The following DLC1 variants were observed in gnomAD, a reference collection of about 807,000 sequenced individuals.
DLC1 encodes DLC1 Rho GTPase activating protein.
Under a neutral mutation model 140.3 loss-of-function variants are expected in DLC1, and 54 were observed. That is an observed-to-expected ratio of 0.38 (90% CI 0.31 to 0.48). The LOEUF is 0.48. DLC1 is among the 20% of genes least tolerant of loss of function. The pLI is 0.96. For missense variants in DLC1, 2,536 were observed against 1,907.0 expected, an observed-to-expected ratio of 1.33 and a Z score of -6.14; for synonymous variants, 986 against 728.1, an observed-to-expected ratio of 1.35 and a Z score of -5.70.
chr8:13,378,448 G>C (rs1836097159), intron 4 of DLC1, among the ~76,000 whole-genome samples: 2 of 151,916 alleles, frequency 1.3e-5, no homozygotes, highest in East Asian at 3.9e-4. Context: ...AAGTATGTTA[G>C]AGTTTTCCCT....
intron 4 of DLC1, among the ~76,000 whole-genome samples, chr8:13,385,605 A>T (rs902327679): frequency 1.3e-5 from 2 of 152,162 alleles, no homozygotes; most frequent in Non-Finnish European, 2.9e-5. Flanking sequence ...TTACTTTCAG[A>T]TTTCTGTTAC....
At chr8:13,220,251 A>C (rs897528884) in intron 5 of DLC1, among the ~76,000 whole-genome samples, 2 of 152,194 alleles carry the variant, frequency 1.3e-5, no homozygotes, top group African/African-American at 4.8e-5. Flanking sequence ...GAAATTGTGA[A>C]GCCTTTTTTG....
At chr8:13,230,520 G>C (rs1391623814) in intron 5 of DLC1, among the ~76,000 whole-genome samples, 1 of 152,042 alleles carries the variant, frequency 6.6e-6, no homozygotes, top group African/African-American at 2.4e-5. Flanking sequence ...ATTTAGGGGA[G>C]AGAGGCTGCC....
intron 2 of DLC1, among the ~76,000 whole-genome samples, chr8:13,422,285 AGCCCATG>A (rs1425977217): frequency 2.0e-5 from 3 of 152,308 alleles, no homozygotes; most frequent in African/African-American, 4.8e-5. Flanking sequence ...TGTTCTCAGA[AGCCCATG>A]GTAGATGAAA....
chr8:13,342,864 G>A (rs972279992), intron 4 of DLC1: 4 of 99,554 alleles, frequency 4.0e-5, no homozygotes, highest in East Asian at 3.0e-4. Context: ...CTCTCTTTGC[G>A]TCCAACATAT....
At chr8:13,248,293 A>G (rs17127650) in intron 5 of DLC1, among the ~76,000 whole-genome samples, 29,080 of 152,122 alleles carry the variant, frequency 0.19, 3,138 homozygotes, top group African/African-American at 0.29. Context: ...TGTTGGTCCT[A>G]TTGGAGACTT....
intron 4 of DLC1, among the ~76,000 whole-genome samples, chr8:13,333,267 C>T (rs2116952089): frequency 6.6e-6 from 1 of 152,152 alleles, no homozygotes; most frequent in East Asian, 1.9e-4. Flanking sequence ...CCTTTATTGC[C>T]CAGGCTGGAG....
At chr8:13,226,634 A>G (rs12679773) in intron 5 of DLC1, among the ~76,000 whole-genome samples, 51,890 of 152,052 alleles carry the variant, frequency 0.34, 10,068 homozygotes, top group East Asian at 0.82. Context: ...CAATTGTAGG[A>G]CCTGGATTTT....
chr8:13,407,661 C>G (rs966671661), intron 2 of DLC1, among the ~76,000 whole-genome samples: 1 of 152,168 alleles, frequency 6.6e-6, no homozygotes, highest in Non-Finnish European at 1.5e-5. Context: ...ACGGTGGCAT[C>G]ACATAGTCAT....
chr8:13,481,093 A>G (rs922208778), intron 2 of DLC1, among the ~76,000 whole-genome samples: 14 of 152,280 alleles, frequency 9.2e-5, no homozygotes, highest in Admixed American at 7.8e-4. Context: ...TTTGAAATGG[A>G]AAGACAATAA....
intron 5 of DLC1, chr8:13,214,806 G>A: frequency 1.3e-6 from 1 of 777,858 alleles, no homozygotes; most frequent in South Asian, 1.3e-5. Context: ...AAAAAGGAGA[G>A]GAGAAAATGA....
At chr8:13,202,769 C>T (rs1231505410) in intron 5 of DLC1, among the ~76,000 whole-genome samples, 1 of 151,860 alleles carries the variant, frequency 6.6e-6, no homozygotes, top group Non-Finnish European at 1.5e-5. Flanking sequence ...GACTTCCCAG[C>T]CCCAGGTGAT....
At chr8:13,387,322 G>A (rs912800971) in intron 4 of DLC1, among the ~76,000 whole-genome samples, 3 of 151,898 alleles carry the variant, frequency 2.0e-5, no homozygotes, top group Admixed American at 6.6e-5. Flanking sequence ...ATATTGAACA[G>A]CATTAGGGAA....
chr8:13,513,364 AAC>A (rs1802461827), intron 1 of DLC1, among the ~76,000 whole-genome samples: 1 of 152,158 alleles, frequency 6.6e-6, no homozygotes, highest in African/African-American at 2.4e-5. Flanking sequence ...AAGAAGTTTT[AAC>A]ACAAATTGTC....
chr8:13,221,726 G>GTA (rs377039517), intron 5 of DLC1, among the ~76,000 whole-genome samples: 1,498 of 132,404 alleles, frequency 0.011, 16 homozygotes, highest in African/African-American at 0.021. Context: ...GTGTGTGTGT[G>GTA]TATATATATA....
At chr8:13,120,408 A>T (rs1432188990) in intron 5 of DLC1, among the ~76,000 whole-genome samples, 1 of 146,842 alleles carries the variant, frequency 6.8e-6, no homozygotes, top group Non-Finnish European at 1.5e-5. Flanking sequence ...ATAATATATT[A>T]TGTAACAATG....
At chr8:13,603,357 T>C (rs915471560) in intron 1 of DLC1, among the ~76,000 whole-genome samples, 2 of 151,734 alleles carry the variant, frequency 1.3e-5, no homozygotes, top group African/African-American at 2.4e-5. Context: ...TTCACTGATA[T>C]AGACAGAGTT....
intron 2 of DLC1, among the ~76,000 whole-genome samples, chr8:13,492,895 C>CA (rs1801326225): frequency 6.6e-6 from 1 of 152,068 alleles, no homozygotes; most frequent in African/African-American, 2.4e-5. Context: ...ATTTATAAGG[C>CA]AAAAACCAGG....
chr8:13,452,320 T>C (rs77020488), intron 2 of DLC1, among the ~76,000 whole-genome samples: 3 of 152,226 alleles, frequency 2.0e-5, no homozygotes, highest in African/African-American at 7.2e-5. Context: ...CTGACCTCAA[T>C]AGTTACATCT....
Sources: allele counts gnomAD v4.1 joint callset (sites outside exome capture counted in the v4.1 genomes callset), GRCh38; gene constraint gnomAD v4.1.1; transcripts MANE v1.5; gene names NCBI Gene and HGNC (gene_info 2026-07-23, HGNC 2026-07-21).